Variants in THSD7B observed in about 807,000 individuals in gnomAD.
THSD7B encodes the protein thrombospondin type 1 domain containing 7B.
A neutral mutation model predicts 213.6 loss-of-function variants in THSD7B; 138 were observed. The ratio of observed to expected loss-of-function variants is 0.65; its 90% CI spans 0.56 to 0.74. The LOEUF is 0.74. Among genes scored for constraint, THSD7B ranks in the 30% least tolerant of loss-of-function variants. THSD7B has a pLI of 0.00. For missense variants in THSD7B, 1,931 were observed against 1,991.5 expected (o/e 0.97, Z 0.58); for synonymous variants, 742 against 687.0 (o/e 1.08, Z -1.25).
intron 12 of THSD7B, among the ~76,000 whole-genome samples, chr2:137,399,027 G>A (rs963416613): frequency 3.3e-5 from 5 of 151,966 alleles, no homozygotes; most frequent in African/African-American, 4.8e-5. Context: ...TTCGGCTCGC[G>A]CACGGTGCGC....
rs149281012 is a variant in THSD7B, at chr2:137,089,650, G to T, written c.951-5223G>T. 6.4e-3 allele frequency among the ~76,000 whole-genome samples: 978 copies of T among 152,074 alleles called. 12 individuals are homozygous for T. Among genetic ancestry groups the T allele is most frequent in the African/African-American group, 0.022 (930 of 41,484 alleles). ...TAAGAATGACACAAAGGATTTTGGG[G>T]ACTCAGTGGGAAAGGGTGGGAAGAG... On this transcript the variant is annotated intron_variant, in intron 3 of 27. Coordinates refer to ENST00000409968, the MANE Select transcript of THSD7B (RefSeq NM_001316349.2).
At chr2:136,925,339 A>G (rs1330771991) in intron 2 of THSD7B, among the ~76,000 whole-genome samples, 1 of 152,150 alleles carries the variant, frequency 6.6e-6, no homozygotes, top group Non-Finnish European at 1.5e-5. Flanking sequence ...ATGTTGAGGC[A>G]TTTACACTAT....
At chr2:137,153,713 C>G (rs1190469446) in intron 5 of THSD7B, among the ~76,000 whole-genome samples, 1 of 152,104 alleles carries the variant, frequency 6.6e-6, no homozygotes, top group Non-Finnish European at 1.5e-5. Flanking sequence ...CCCCTTCCAC[C>G]ATTTGACTCC....
At chr2:136,796,146 T>C (rs1389434949) in intron 1 of THSD7B, among the ~76,000 whole-genome samples, 1 of 152,070 alleles carries the variant, frequency 6.6e-6, no homozygotes, top group East Asian at 1.9e-4. Context: ...ATGTATCCCT[T>C]TTTAAAAGTA....
chr2:137,216,044 G>A (rs1681234858), intron 7 of THSD7B, among the ~76,000 whole-genome samples: 1 of 152,086 alleles, frequency 6.6e-6, no homozygotes, highest in Non-Finnish European at 1.5e-5. Flanking sequence ...GCAGAATTTT[G>A]TTGAGGGGGA....
intron 2 of THSD7B, among the ~76,000 whole-genome samples, chr2:136,941,950 G>A (rs574037064): frequency 2.6e-5 from 4 of 152,202 alleles, no homozygotes; most frequent in African/African-American, 9.6e-5. Context: ...GTATTGCCTA[G>A]GTTTTCTTCT....
intron 12 of THSD7B, among the ~76,000 whole-genome samples, chr2:137,368,831 A>T (rs1685479253): frequency 1.3e-5 from 2 of 152,004 alleles, no homozygotes; most frequent in Non-Finnish European, 2.9e-5. Flanking sequence ...TGTTATTTGC[A>T]TTTGCAATCA....
At chr2:137,316,513 C>T (rs35302170) in intron 12 of THSD7B, among the ~76,000 whole-genome samples, 21,367 of 152,066 alleles carry the variant, frequency 0.14, 1,778 homozygotes, top group Non-Finnish European at 0.18. Context: ...TGGTGGCTCA[C>T]GCCTGTAATC....
At chr2:136,922,514 A>G (rs990547189) in intron 2 of THSD7B, among the ~76,000 whole-genome samples, 4 of 152,200 alleles carry the variant, frequency 2.6e-5, no homozygotes, top group African/African-American at 9.7e-5. Context: ...CAGTCTATCA[A>G]CCAGAAATTG....
chr2:137,037,302 T>A (rs902768675), intron 2 of THSD7B, among the ~76,000 whole-genome samples: 2 of 152,144 alleles, frequency 1.3e-5, no homozygotes, highest in Non-Finnish European at 2.9e-5. Flanking sequence ...TATTTTTTGT[T>A]TACATATTAA....
intron 1 of THSD7B, among the ~76,000 whole-genome samples, chr2:136,832,284 A>G (rs935088465): frequency 6.6e-6 from 1 of 151,884 alleles, no homozygotes; most frequent in African/African-American, 2.4e-5. Context: ...ATGATATGCC[A>G]TCTGCAAGCT....
intron 4 of THSD7B, among the ~76,000 whole-genome samples, chr2:137,102,006 G>A (rs1688159881): frequency 2.0e-5 from 3 of 152,228 alleles, no homozygotes; most frequent in Admixed American, 1.3e-4. Context: ...TCTGAAGAGA[G>A]CAGCTGACCT....
At chr2:137,250,933 G>A (rs546499180) in intron 10 of THSD7B, among the ~76,000 whole-genome samples, 3 of 152,208 alleles carry the variant, frequency 2.0e-5, no homozygotes, top group African/African-American at 7.2e-5. Context: ...TAAACACTTT[G>A]CCCTCTGAAG....
chr2:137,123,510 T>C lies in THSD7B; in HGVS notation c.1369+8217T>C, dbSNP rs564937069. ...ACACAGCATTCCCTCATATTTTCTTTGCTTTACTCCTGTTGTTTCTGCACT... is the reference window on the plus strand; with the variant it reads ...ACACAGCATTCCCTCATATTTTCTTCGCTTTACTCCTGTTGTTTCTGCACT... On this transcript the variant is annotated intron_variant, in intron 5 of 27. Coordinates refer to ENST00000409968, the MANE Select transcript of THSD7B (RefSeq NM_001316349.2). Among the ~76,000 whole-genome samples, 4 of 152,326 alleles carry C rather than the reference T, an allele frequency of 2.6e-5. 1 individual carries two copies. The highest frequency in any genetic ancestry group is 7.2e-5 in the African/African-American group (3 of 41,580).
chr2:137,504,581 G>T (rs1049495477), intron 15 of THSD7B, among the ~76,000 whole-genome samples: 16 of 152,146 alleles, frequency 1.1e-4, no homozygotes, highest in African/African-American at 3.9e-4. Flanking sequence ...ATACAAATAT[G>T]ATTGAACCAC....
chr2:136,918,409 C>T (rs888754689), intron 2 of THSD7B, among the ~76,000 whole-genome samples: 9 of 152,206 alleles, frequency 5.9e-5, no homozygotes, highest in African/African-American at 2.2e-4. Flanking sequence ...CCCCTTTCCA[C>T]TTGTTGAATC....
At chr2:136,843,916 A>G (rs1192195924) in intron 1 of THSD7B, among the ~76,000 whole-genome samples, 7 of 152,148 alleles carry the variant, frequency 4.6e-5, no homozygotes, top group Non-Finnish European at 1.0e-4. Flanking sequence ...ACATAATTCC[A>G]TGATCCAACA....
At chr2:137,238,882 G>A (rs927009882) in intron 9 of THSD7B, among the ~76,000 whole-genome samples, 10 of 151,970 alleles carry the variant, frequency 6.6e-5, no homozygotes, top group Non-Finnish European at 7.4e-5. Flanking sequence ...CTCTTGTTAT[G>A]CTCATTGAAT....
rs149896491 is a variant in THSD7B at position 136,790,548 on chromosome 2, T to A, written c.-36+24861T>A. 2.8e-3 allele frequency among the ~76,000 whole-genome samples: 428 copies of A among 152,248 alleles called. 2 individuals are homozygous for A. Among genetic ancestry groups the A allele is most frequent in the African/African-American group, 9.6e-3 (397 of 41,570 alleles). ...TTCTGTAGGTAATAGAGCTTTCAAT[T>A]ATATACTGCCTTGTATCTTATTTTC... is the stretch of plus-strand genomic sequence containing the variant. On this transcript the variant is annotated intron_variant, in intron 1 of 27. Coordinates refer to ENST00000409968, the MANE Select transcript of THSD7B (RefSeq NM_001316349.2).
Sources: allele counts gnomAD v4.1 joint callset (sites outside exome capture counted in the v4.1 genomes callset), GRCh38; gene constraint gnomAD v4.1.1; transcripts MANE v1.5; gene names NCBI Gene and HGNC (gene_info 2026-07-23, HGNC 2026-07-21).